The following PTPRT variants were observed in gnomAD, a reference collection of about 807,000 sequenced individuals.
PTPRT encodes receptor-type tyrosine-protein phosphatase T.
PTPRT carries 56 observed loss-of-function variants against 176.8 expected under a neutral mutation model. The ratio of observed to expected loss-of-function variants is 0.32; its 90% confidence interval spans 0.26 to 0.40. The LOEUF is 0.40. PTPRT is among the 10% of genes least tolerant of loss of function. PTPRT has a pLI of 1.00. For missense variants in PTPRT, 1,540 were observed against 1,908.2 expected (o/e 0.81, Z 3.60); for synonymous variants, 783 against 739.0 (o/e 1.06, Z -0.96).
At chr20:42,430,648 A>G (rs1423905157) in intron 9 of PTPRT, among the ~76,000 whole-genome samples, 2 of 152,208 alleles carry the variant, frequency 1.3e-5, no homozygotes, top group Admixed American at 1.3e-4. Flanking sequence ...TGGGGCTTCC[A>G]GGACCCTCTG....
intron 1 of PTPRT, among the ~76,000 whole-genome samples, chr20:42,983,707 C>G (rs1983404147): frequency 6.6e-6 from 1 of 152,240 alleles, no homozygotes; most frequent in African/African-American, 2.4e-5. Context: ...GAGATGGTTT[C>G]ACACACCTTG....
intron 7 of PTPRT, among the ~76,000 whole-genome samples, chr20:42,507,320 G>A (rs560924758): frequency 1.3e-5 from 2 of 152,218 alleles, no homozygotes; most frequent in South Asian, 4.1e-4. Context: ...GATGCCAGAG[G>A]AGGAGCACAT....
At chr20:43,044,297 G>A (rs573262855) in intron 1 of PTPRT, among the ~76,000 whole-genome samples, 1 of 152,190 alleles carries the variant, frequency 6.6e-6, no homozygotes, top group South Asian at 2.1e-4. Context: ...GTGGCCACCT[G>A]CATACATGGG....
chr20:42,527,568 C>G (rs1430320277), intron 7 of PTPRT, among the ~76,000 whole-genome samples: 1 of 152,148 alleles, frequency 6.6e-6, no homozygotes, highest in Non-Finnish European at 1.5e-5. Context: ...ATTTCCTTTT[C>G]TGATTTTTCT....
At chr20:42,141,577 G>A (rs6072639) in intron 18 of PTPRT, among the ~76,000 whole-genome samples, 4 of 152,174 alleles carry the variant, frequency 2.6e-5, no homozygotes, top group Non-Finnish European at 4.4e-5. Context: ...CCGCATGTCA[G>A]CCCTTTTGGC....
At chr20:42,626,439 G>C (rs1025829814) in intron 7 of PTPRT, among the ~76,000 whole-genome samples, 1 of 152,168 alleles carries the variant, frequency 6.6e-6, no homozygotes, top group Admixed American at 6.5e-5. Flanking sequence ...CTATTCAGTT[G>C]CATGTTTCCA....
At chr20:43,014,034 G>T (rs2146159334) in intron 1 of PTPRT, among the ~76,000 whole-genome samples, 1 of 152,300 alleles carries the variant, frequency 6.6e-6, no homozygotes, top group African/African-American at 2.4e-5. Context: ...AGGTATTGCT[G>T]ATTCTTTCAT....
chr20:42,534,577 A>G (rs559824440), intron 7 of PTPRT, among the ~76,000 whole-genome samples: 8 of 152,290 alleles, frequency 5.3e-5, no homozygotes, highest in Non-Finnish European at 1.0e-4. Context: ...CAGAGCTTGC[A>G]GTGAGCCGAG....
chr20:42,128,865 T>C lies in PTPRT; in HGVS notation c.2771-35A>G, dbSNP rs374886246. On this transcript the variant is annotated intron_variant, in intron 18 of 30. Coordinates refer to ENST00000373187, the MANE Select transcript of PTPRT (RefSeq NM_007050.6). ...GAGCAGAAATCAAGGGGATGGTTGA[T>C]AAGAGGCCTTACGCAGCTAATGTCC... 27 of 1,556,570 alleles carry C rather than the reference T, an allele frequency of 1.7e-5. No homozygotes were observed. In the East Asian group the frequency reaches 3.7e-4, roughly 21 times the overall value.
At chr20:42,936,419 G>A (rs997090236) in intron 1 of PTPRT, among the ~76,000 whole-genome samples, 13 of 152,210 alleles carry the variant, frequency 8.5e-5, no homozygotes, top group African/African-American at 2.2e-4. Flanking sequence ...GTAGGAATAC[G>A]TGAACAGAGG....
chr20:42,845,667 G>A (rs970311288), intron 2 of PTPRT, among the ~76,000 whole-genome samples: 2 of 152,176 alleles, frequency 1.3e-5, no homozygotes, highest in Admixed American at 6.5e-5. Flanking sequence ...CCCTGGGTAT[G>A]AGCTGGATGC....
intron 6 of PTPRT, among the ~76,000 whole-genome samples, chr20:42,721,133 A>G (rs564980884): frequency 9.2e-4 from 140 of 152,356 alleles, no homozygotes; most frequent in African/African-American, 3.2e-3. Flanking sequence ...GGGAGTTTGC[A>G]TGTTCAAGGG....
At chr20:42,746,651 T>G (rs1282228568) in intron 6 of PTPRT, among the ~76,000 whole-genome samples, 2 of 152,096 alleles carry the variant, frequency 1.3e-5, no homozygotes, top group Non-Finnish European at 2.9e-5. Flanking sequence ...CAAGTATTAT[T>G]AATAAAAGTT....
At chr20:42,554,995 A>C (rs116321317) in intron 7 of PTPRT, among the ~76,000 whole-genome samples, 6 of 152,320 alleles carry the variant, frequency 3.9e-5, no homozygotes, top group African/African-American at 1.4e-4. Flanking sequence ...TGTGTTATGG[A>C]GTAGGAGCTG....
At chr20:43,095,720 C>CCT (rs142590142) in intron 1 of PTPRT, among the ~76,000 whole-genome samples, 3,274 of 114,630 alleles carry the variant, frequency 0.029, 106 homozygotes, top group African/African-American at 0.068. Context: ...TCTGTTTCTT[C>CCT]CTCTCTCTCT....
rs142711437 is a variant in PTPRT, at chr20:42,651,287, A to G, written c.1153+26579T>C. Among the ~76,000 whole-genome samples, 812 of 152,276 alleles carry G rather than the reference A, an allele frequency of 5.3e-3. 5 individuals are homozygous for G. The highest frequency in any genetic ancestry group is 0.017 in the African/African-American group (689 of 41,580). On this transcript the variant is annotated intron_variant, in intron 7 of 30. Coordinates refer to ENST00000373187, the MANE Select transcript of PTPRT (RefSeq NM_007050.6). Reference sequence around the variant, plus strand: ...AATTAACAAACATGGCCAAACCCCTATTGCTTGTCAAAGTCAGATATAAGA... The same window carrying G: ...AATTAACAAACATGGCCAAACCCCTGTTGCTTGTCAAAGTCAGATATAAGA...
chr20:42,877,812 G>A (rs900586466), intron 2 of PTPRT, among the ~76,000 whole-genome samples: 3 of 152,196 alleles, frequency 2.0e-5, no homozygotes, highest in Middle Eastern at 3.4e-3. Flanking sequence ...ACTAGTGCTT[G>A]GACCATTCTA....
intron 7 of PTPRT, among the ~76,000 whole-genome samples, chr20:42,475,047 T>A (rs2145303622): frequency 6.6e-6 from 1 of 152,250 alleles, no homozygotes; most frequent in Admixed American, 6.5e-5. Flanking sequence ...GTACCATATC[T>A]CATGTTAAAT....
At chr20:42,603,064 A>G (rs538410187) in intron 7 of PTPRT, among the ~76,000 whole-genome samples, 2 of 152,132 alleles carry the variant, frequency 1.3e-5, no homozygotes, top group African/African-American at 4.8e-5. Context: ...ATGAGCACCA[A>G]CCACATACCG....
Sources: allele counts gnomAD v4.1 joint callset (sites outside exome capture counted in the v4.1 genomes callset), GRCh38; gene constraint gnomAD v4.1.1; transcripts MANE v1.5; gene names NCBI Gene and HGNC (gene_info 2026-07-23, HGNC 2026-07-21).